CCDC7: variants seen among roughly 807,000 people sequenced by gnomAD.
The protein encoded by CCDC7 is coiled-coil domain containing 7, also known as coiled-coil domain-containing protein 7.
In CCDC7, 183 loss-of-function variants were observed where a neutral mutation model predicts 196.9. That is an observed-to-expected ratio of 0.93 (90% CI 0.82 to 1.05). The LOEUF (loss-of-function observed/expected upper bound fraction) is 1.05. CCDC7 is among the 50% of genes least tolerant of loss of function. The pLI, the probability that CCDC7 is intolerant of heterozygous loss-of-function variation, is 0.00. For missense variants in CCDC7, 1,540 were observed against 1,482.2 expected (o/e 1.04, Z -0.64); for synonymous variants, 525 against 484.6 (o/e 1.08, Z -1.10).
chr10:32,726,615 A>G (rs1271360946), intron 25 of CCDC7, 119 bp from the exon 27 acceptor site: 2 of 513,920 alleles, frequency 3.9e-6, no homozygotes, highest in Non-Finnish European at 6.9e-6. Flanking sequence ...TAATTTTATA[A>G]AAATGAGAAA....
intron 41 of CCDC7, among the ~76,000 whole-genome samples, chr10:32,869,010 A>G (rs1350536432): frequency 6.6e-6 from 1 of 152,114 alleles, no homozygotes; most frequent in Non-Finnish European, 1.5e-5. Flanking sequence ...GCTATTGTGA[A>G]TAGTGCCACA....
At chr10:32,471,729 T>A (rs551346518) in intron 6 of CCDC7, among the ~76,000 whole-genome samples, 3 of 152,266 alleles carry the variant, frequency 2.0e-5, no homozygotes, top group Non-Finnish European at 4.4e-5. Context: ...TAAAACATTC[T>A]TTTTTTGTGT....
chr10:32,711,741 T>C lies in CCDC7; in HGVS notation c.2569+11T>C, dbSNP rs759264202. The C allele has an allele frequency of 1.4e-6, 2 of 1,415,776 alleles. No homozygotes were observed. Among genetic ancestry groups the C allele is most frequent in the Non-Finnish European group, 1.9e-6 (2 of 1,035,604 alleles). The allele number at this position is 1,415,776 out of a possible 1,614,324, so 87.7% of individuals were successfully genotyped here. A position where few individuals can be genotyped will look rare whatever the true frequency, so the allele number is the denominator to read the frequency against. On this transcript the variant is annotated intron_variant, in intron 25 of 41. Transcript: ENST00000639629. ...GAGAAGGACGTAGCAGTAAGTATAA[T>C]GATGATAGCTATTTTATATTATTTT...
chr10:32,467,195 G>A (rs1168936055), intron 5 of CCDC7, among the ~76,000 whole-genome samples: 1 of 151,604 alleles, frequency 6.6e-6, no homozygotes, highest in Non-Finnish European at 1.5e-5. Flanking sequence ...TCTGCCTCCT[G>A]GGTTCAAGCA....
exon 35 of CCDC7, chr10:32,845,589 G>C (rs1415150562): frequency 1.9e-6 from 3 of 1,612,730 alleles, no homozygotes. Context: ...GAGGTCTAAT[G>C]AAGGAGTCAA....
At chr10:32,451,973 T>A (rs1190155633) in intron 1 of CCDC7, 52 bp downstream of exon 2, 1 of 1,549,504 alleles carries the variant, frequency 6.5e-7, no homozygotes, top group Admixed American at 1.9e-5. Flanking sequence ...TCACCCCAGG[T>A]TTAGTGATGT....
At chr10:32,448,753 A>G (rs2032149532), upstream of CCDC7, among the ~76,000 whole-genome samples, 2 of 152,090 alleles carry the variant, frequency 1.3e-5, no homozygotes, top group African/African-American at 2.4e-5. Flanking sequence ...AAATTGAATC[A>G]TGTTTATTGT....
At chr10:32,837,239 A>G (rs1312920292) in intron 33 of CCDC7, among the ~76,000 whole-genome samples, 2 of 152,120 alleles carry the variant, frequency 1.3e-5, no homozygotes, top group Non-Finnish European at 2.9e-5. Flanking sequence ...AAAAAAACAA[A>G]CAGCCCCATC....
At chr10:32,448,578 A>G (rs983691219), upstream of CCDC7, among the ~76,000 whole-genome samples, 2 of 152,010 alleles carry the variant, frequency 1.3e-5, no homozygotes, top group African/African-American at 4.8e-5. Flanking sequence ...TATTCTCTAA[A>G]ATAGTATGTT....
intron 9 of CCDC7, among the ~76,000 whole-genome samples, chr10:32,492,390 C>G (rs1310584841): frequency 6.6e-6 from 1 of 152,094 alleles, no homozygotes; most frequent in Non-Finnish European, 1.5e-5. Flanking sequence ...ATTTGTACAT[C>G]CATGTTTGTT....
chr10:32,777,411 C>G (rs1041801090), intron 28 of CCDC7, among the ~76,000 whole-genome samples: 1 of 152,090 alleles, frequency 6.6e-6, no homozygotes, highest in Non-Finnish European at 1.5e-5. Context: ...ATGGGATTGC[C>G]GAGTCAAATG....
At chr10:32,729,716 T>A (rs529821543) in intron 28 of CCDC7, among the ~76,000 whole-genome samples, 1 of 152,234 alleles carries the variant, frequency 6.6e-6, no homozygotes, top group South Asian at 2.1e-4. Flanking sequence ...TATTTTTGTG[T>A]GTGTGTGCAA....
At chr10:32,451,607 T>C, upstream of CCDC7, 1 of 1,534,652 alleles carries the variant, frequency 6.5e-7, no homozygotes. Context: ...AATAAGTTTT[T>C]TTCATCTGTA....
chr10:32,659,476 T>C (rs2070752008), intron 20 of CCDC7, among the ~76,000 whole-genome samples: 1 of 152,230 alleles, frequency 6.6e-6, no homozygotes, highest in African/African-American at 2.4e-5. Context: ...ACCTTGGAGA[T>C]ACTGCAGGTT....
At chr10:32,839,857 A>T (rs568027926) in intron 33 of CCDC7, among the ~76,000 whole-genome samples, 1 of 152,212 alleles carries the variant, frequency 6.6e-6, no homozygotes, top group South Asian at 2.1e-4. Flanking sequence ...GGAACCCTAA[A>T]AATCATGCAA....
At chr10:32,733,601 A>G (rs555007322) in intron 28 of CCDC7, among the ~76,000 whole-genome samples, 2 of 152,004 alleles carry the variant, frequency 1.3e-5, no homozygotes, top group African/African-American at 2.4e-5. Context: ...TGTCTTTTGT[A>G]TACATCTATT....
intron 25 of CCDC7, among the ~76,000 whole-genome samples, chr10:32,725,168 C>A (rs917934947): frequency 2.2e-4 from 33 of 151,980 alleles, no homozygotes; most frequent in African/African-American, 6.5e-4. Flanking sequence ...AGGGCTTGTT[C>A]TTGATTTCCT....
At chr10:32,704,036 A>C (rs1457169921) in intron 24 of CCDC7, among the ~76,000 whole-genome samples, 2 of 152,112 alleles carry the variant, frequency 1.3e-5, no homozygotes, top group Admixed American at 1.3e-4. Flanking sequence ...TTCTCCACCC[A>C]GCTTTGTTCC....
chr10:32,565,151 T>C (rs1289236822), intron 13 of CCDC7, among the ~76,000 whole-genome samples: 1 of 152,200 alleles, frequency 6.6e-6, no homozygotes, highest in Non-Finnish European at 1.5e-5. Context: ...CCTCAAAGTG[T>C]CTTTAATTTG....
Sources: allele counts gnomAD v4.1 joint callset (sites outside exome capture counted in the v4.1 genomes callset), GRCh38; gene constraint gnomAD v4.1.1; transcripts MANE v1.5; gene names NCBI Gene and HGNC (gene_info 2026-07-23, HGNC 2026-07-21).